ADAMTS17: variants seen among roughly 807,000 people sequenced by gnomAD.
The protein encoded by ADAMTS17 is A disintegrin and metalloproteinase with thrombospondin motifs 17.
ADAMTS17 carries 113 observed loss-of-function variants against 141.5 expected under a neutral mutation model. The observed-to-expected ratio is 0.80, with a 90% confidence interval of 0.69 to 0.93. The LOEUF is 0.93. Among genes scored for constraint, ADAMTS17 ranks in the 40% least tolerant of loss-of-function variants. The pLI is 0.00. For synonymous variants in ADAMTS17, 768 were observed against 630.6 expected, an observed-to-expected ratio of 1.22 and a Z score of -3.27; for missense variants, 1,659 against 1,517.9, an observed-to-expected ratio of 1.09 and a Z score of -1.54.
intron 15 of ADAMTS17, among the ~76,000 whole-genome samples, chr15:100,059,086 C>A (rs900772446): frequency 7.2e-5 from 11 of 152,206 alleles, no homozygotes; most frequent in South Asian, 6.2e-4. Flanking sequence ...TTGGCTCTCA[C>A]AAGCCACACA....
chr15:100,006,945 G>A (rs574684190), intron 18 of ADAMTS17, among the ~76,000 whole-genome samples: 6 of 152,158 alleles, frequency 3.9e-5, no homozygotes, highest in South Asian at 2.1e-4. Context: ...CCACTGGCAC[G>A]GTCAACCCGC....
At chr15:100,269,318 C>T (rs2043823897) in intron 4 of ADAMTS17, among the ~76,000 whole-genome samples, 1 of 152,214 alleles carries the variant, frequency 6.6e-6, no homozygotes, top group Admixed American at 6.5e-5. Context: ...GCAAAAGAAA[C>T]TATCAGTTCA....
At chr15:100,161,108 C>G (rs746308033) in intron 8 of ADAMTS17, among the ~76,000 whole-genome samples, 18 of 152,202 alleles carry the variant, frequency 1.2e-4, no homozygotes. Context: ...TTATCAGACA[C>G]AGTCATAACT....
intron 18 of ADAMTS17, among the ~76,000 whole-genome samples, chr15:99,999,279 A>G (rs1244595050): frequency 6.6e-6 from 1 of 152,202 alleles, no homozygotes; most frequent in Non-Finnish European, 1.5e-5. Flanking sequence ...TAACAAATAT[A>G]CTAAATGAGA....
At chr15:100,059,543 T>C (rs764600967) in intron 15 of ADAMTS17, among the ~76,000 whole-genome samples, 47 of 152,324 alleles carry the variant, frequency 3.1e-4, no homozygotes, top group Non-Finnish European at 6.0e-4. Flanking sequence ...AAATCATAAC[T>C]TCCTGCTAAA....
At chr15:100,124,551 C>T (rs1395119118) in intron 12 of ADAMTS17, among the ~76,000 whole-genome samples, 1 of 152,210 alleles carries the variant, frequency 6.6e-6, no homozygotes, top group Non-Finnish European at 1.5e-5. Flanking sequence ...GGCCATTCTG[C>T]AAAGCTGGCA....
intron 12 of ADAMTS17, among the ~76,000 whole-genome samples, chr15:100,119,432 T>G (rs548240921): frequency 2.0e-5 from 3 of 152,180 alleles, no homozygotes; most frequent in Non-Finnish European, 4.4e-5. Context: ...CGTAGAAGAA[T>G]AAAGAAAGCT....
chr15:100,110,601 G>C (rs2036713075), intron 13 of ADAMTS17, among the ~76,000 whole-genome samples: 2 of 152,120 alleles, frequency 1.3e-5, no homozygotes, highest in African/African-American at 2.4e-5. Context: ...AGGTTGAATA[G>C]ATTTTGTTCT....
At chr15:100,160,701 T>C (rs771159368) in intron 8 of ADAMTS17, among the ~76,000 whole-genome samples, 32 of 152,218 alleles carry the variant, frequency 2.1e-4, no homozygotes, top group Non-Finnish European at 1.0e-4. Flanking sequence ...CCGAGAGGAC[T>C]TCCCCAAGGA....
intron 21 of ADAMTS17, among the ~76,000 whole-genome samples, chr15:99,975,609 A>T (rs1415759472): frequency 6.6e-6 from 1 of 152,024 alleles, no homozygotes; most frequent in African/African-American, 2.4e-5. Context: ...AACCACTCAC[A>T]CAGTCTGCAG....
At chr15:100,135,066 G>A (rs955448442) in intron 10 of ADAMTS17, among the ~76,000 whole-genome samples, 2 of 152,156 alleles carry the variant, frequency 1.3e-5, no homozygotes, top group Non-Finnish European at 2.9e-5. Context: ...GGACAGGAGC[G>A]GTTGGGATTA....
chr15:100,079,083 G>C (rs1489885632), intron 15 of ADAMTS17, among the ~76,000 whole-genome samples: 1 of 152,202 alleles, frequency 6.6e-6, no homozygotes, highest in Non-Finnish European at 1.5e-5. Context: ...TGGAGAAACA[G>C]TAGCCTTCAT....
chr15:99,981,190 C>T (rs1255723936), intron 20 of ADAMTS17, among the ~76,000 whole-genome samples: 1 of 152,218 alleles, frequency 6.6e-6, no homozygotes, highest in South Asian at 2.1e-4. Context: ...CAGGTCACTG[C>T]CCATCTCCAC....
intron 18 of ADAMTS17, among the ~76,000 whole-genome samples, chr15:100,001,768 C>T (rs1596198289): frequency 1.3e-5 from 2 of 151,890 alleles, no homozygotes; most frequent in South Asian, 2.1e-4. Flanking sequence ...GTTAGGAGTT[C>T]GAGATCAGCC....
intron 18 of ADAMTS17, among the ~76,000 whole-genome samples, chr15:100,003,569 G>T (rs556178199): frequency 6.6e-6 from 1 of 152,104 alleles, no homozygotes; most frequent in Non-Finnish European, 1.5e-5. Context: ...AAACGGTATG[G>T]TAAGATGTTT....
intron 7 of ADAMTS17, among the ~76,000 whole-genome samples, chr15:100,210,792 C>A (rs2041775759): frequency 6.6e-6 from 1 of 151,560 alleles, no homozygotes; most frequent in Admixed American, 6.6e-5. Flanking sequence ...ATGGCTGAAA[C>A]CCCGTCTCTA....
At position 100,199,315 on chromosome 15, in the gene ADAMTS17, T is replaced by A. The variant is rs754283249; in HGVS notation, c.1181+3A>T. ...ACAGGACGACACAGAGTCTGATACT[T>A]ACTTGTGGCCCAGCTCATGGGCGAT... On this transcript the variant is annotated splice_donor_region_variant and intron_variant, in intron 8 of 21. Coordinates refer to ENST00000268070, the MANE Select transcript of ADAMTS17 (RefSeq NM_139057.4). 6.2e-7 allele frequency: 1 copy of A among 1,613,652 alleles called. No homozygotes were observed. The highest frequency in any genetic ancestry group is 8.5e-7 in the Non-Finnish European group (1 of 1,179,486).
chr15:100,234,456 C>T (rs1297423706), intron 7 of ADAMTS17, among the ~76,000 whole-genome samples: 1 of 152,214 alleles, frequency 6.6e-6, no homozygotes, highest in African/African-American at 2.4e-5. Flanking sequence ...CCAGCTGCCT[C>T]TTCAAGCCCC....
intron 15 of ADAMTS17, among the ~76,000 whole-genome samples, chr15:100,067,974 G>A (rs564473089): frequency 3.5e-4 from 54 of 152,304 alleles, no homozygotes; most frequent in Admixed American, 9.2e-4. Flanking sequence ...CCCGGGAAGC[G>A]CAAGGGGTCA....
Sources: gnomAD v4.1 joint callset for allele counts (sites outside exome capture counted in the v4.1 genomes callset) on GRCh38, gnomAD v4.1.1 for gene constraint, MANE v1.5 for transcripts, NCBI Gene and HGNC (gene_info 2026-07-23, HGNC 2026-07-21) for gene names.